KCNAB1: variants seen among roughly 807,000 people sequenced by gnomAD.
The protein encoded by KCNAB1 is potassium voltage-gated channel subfamily A regulatory beta subunit 1.
Under a neutral mutation model 64.6 loss-of-function variants are expected in KCNAB1, and 35 were observed. The observed-to-expected ratio is 0.54, with a 90% CI of 0.41 to 0.72. The LOEUF (loss-of-function observed/expected upper bound fraction) is 0.72. Among genes scored for constraint, KCNAB1 ranks in the 30% least tolerant of loss-of-function variants. The probability of loss-of-function intolerance (pLI) is 0.00; values close to 1 mark genes in which losing one functional copy is unlikely to be tolerated. For synonymous variants in KCNAB1, 177 were observed against 183.8 expected (o/e 0.96, Z 0.30); for missense variants, 401 against 512.9 (o/e 0.78, Z 2.11).
chr3:156,143,439 T>A (rs1309640704), intron 1 of KCNAB1: 1 of 1,522,150 alleles, frequency 6.6e-7, no homozygotes. Context: ...GATTGCAAAG[T>A]CATCCAACCA....
chr3:156,478,776 C>T (rs1714569197), intron 8 of KCNAB1, among the ~76,000 whole-genome samples: 1 of 152,106 alleles, frequency 6.6e-6, no homozygotes, highest in Non-Finnish European at 1.5e-5. Context: ...CCATTTGAGC[C>T]AGAAAAAGAT....
chr3:156,134,306 G>A (rs1714175018), intron 1 of KCNAB1, among the ~76,000 whole-genome samples: 1 of 152,002 alleles, frequency 6.6e-6, no homozygotes, highest in African/African-American at 2.4e-5. Flanking sequence ...TATTTTTTCT[G>A]TATCCTCACC....
intron 8 of KCNAB1, among the ~76,000 whole-genome samples, chr3:156,492,472 T>C (rs943949853): frequency 2.0e-5 from 3 of 152,064 alleles, no homozygotes; most frequent in African/African-American, 7.2e-5. Context: ...AACTGCCATA[T>C]GGAGACACCA....
At chr3:156,291,761 G>T in intron 1 of KCNAB1, 1 of 1,469,652 alleles carries the variant, frequency 6.8e-7, no homozygotes. Context: ...TCGAAAGTCA[G>T]CCGCCAGGAC....
intron 1 of KCNAB1, among the ~76,000 whole-genome samples, chr3:156,197,432 G>A (rs1397449313): frequency 3.3e-5 from 5 of 152,100 alleles, no homozygotes; most frequent in Non-Finnish European, 7.4e-5. Context: ...GAATCCATCT[G>A]GTCCTGGGCT....
chr3:156,320,196 A>G (rs1428145913), intron 1 of KCNAB1, among the ~76,000 whole-genome samples: 4 of 152,246 alleles, frequency 2.6e-5, no homozygotes, highest in Non-Finnish European at 5.9e-5. Flanking sequence ...TGATTTGTCA[A>G]TAATTGAGTT....
chr3:156,354,352 G>A (rs9830004), intron 1 of KCNAB1, among the ~76,000 whole-genome samples: 15,231 of 150,788 alleles, frequency 0.1, 2,563 homozygotes, highest in African/African-American at 0.35. Context: ...AGTAGGATGG[G>A]GTTTCTCCAC....
chr3:156,459,193 G>A (rs1054808953), intron 4 of KCNAB1, among the ~76,000 whole-genome samples: 1 of 152,182 alleles, frequency 6.6e-6, no homozygotes, highest in African/African-American at 2.4e-5. Context: ...TTGGGTCCCA[G>A]CCTGGGTAGG....
At position 156,452,254 on chromosome 3, in the gene KCNAB1, C is replaced by T. The variant is rs983635951; in HGVS notation, c.320-645C>T. On this transcript the variant is annotated intron_variant, in intron 2 of 13. Transcript: ENST00000490337. This position sits in a 1 kb window ranked among gnomAD's most constrained non-coding sequence, Gnocchi z 4.6. ...CCCTTCTACTTTACAAAGTTTCAAA[C>T]GTCTTTGGCTGCTGAGTGTGCATCT... 1.3e-5 allele frequency among the ~76,000 whole-genome samples: 2 copies of T among 152,188 alleles called. No homozygotes were observed. The highest frequency in any genetic ancestry group is 4.8e-5 in the African/African-American group (2 of 41,452).
At chr3:156,389,605 G>A (rs1003617877) in intron 1 of KCNAB1, among the ~76,000 whole-genome samples, 2 of 152,160 alleles carry the variant, frequency 1.3e-5, no homozygotes, top group Non-Finnish European at 2.9e-5. Flanking sequence ...ACCTCCGCCC[G>A]GATCTACTGA....
chr3:156,365,562 T>A (rs1365278315), intron 1 of KCNAB1, among the ~76,000 whole-genome samples: 1 of 152,222 alleles, frequency 6.6e-6, no homozygotes, highest in East Asian at 1.9e-4. Flanking sequence ...GTTGTAATCA[T>A]GGTGATTGCA....
intron 7 of KCNAB1, among the ~76,000 whole-genome samples, chr3:156,469,230 C>CTCTT (rs201962265): frequency 1.9e-4 from 25 of 132,498 alleles, no homozygotes; most frequent in African/African-American, 4.8e-4. Flanking sequence ...TCAGGGTTCT[C>CTCTT]TCTTTCTTTC....
At chr3:156,221,777 C>G (rs1391613733) in intron 1 of KCNAB1, among the ~76,000 whole-genome samples, 1 of 146,122 alleles carries the variant, frequency 6.8e-6, no homozygotes, top group Non-Finnish European at 1.5e-5. Context: ...AAACTCCATC[C>G]CCCCCCGCCA....
chr3:156,261,988 C>CA (rs1718460329), intron 1 of KCNAB1, among the ~76,000 whole-genome samples: 1 of 151,764 alleles, frequency 6.6e-6, no homozygotes, highest in African/African-American at 2.4e-5. Flanking sequence ...GTTTTTATGA[C>CA]AAAAATCTTT....
intron 1 of KCNAB1, among the ~76,000 whole-genome samples, chr3:156,409,451 G>C (rs1368187730): frequency 6.6e-6 from 1 of 152,108 alleles, no homozygotes; most frequent in Non-Finnish European, 1.5e-5. Flanking sequence ...CCCAAGGAGG[G>C]GTAGCTTTGA....
intron 7 of KCNAB1, among the ~76,000 whole-genome samples, chr3:156,471,135 AC>A (rs1342419424): frequency 6.6e-6 from 1 of 152,204 alleles, no homozygotes; most frequent in Non-Finnish European, 1.5e-5. Context: ...CTTAAATAGA[AC>A]CCTTGCAGAA....
At chr3:156,518,939 C>T (rs989256151) in intron 11 of KCNAB1, among the ~76,000 whole-genome samples, 2 of 152,214 alleles carry the variant, frequency 1.3e-5, no homozygotes, top group Admixed American at 6.5e-5. Context: ...TTCCTTCTTG[C>T]TTAACAGTGC....
At chr3:156,172,280 G>A (rs1712048330) in intron 1 of KCNAB1, among the ~76,000 whole-genome samples, 1 of 119,268 alleles carries the variant, frequency 8.4e-6, no homozygotes, top group Admixed American at 1.1e-4. Flanking sequence ...TAATTCAAAT[G>A]GCTTTTTTTT....
chr3:156,228,896 C>T (rs1006908366), intron 1 of KCNAB1, among the ~76,000 whole-genome samples: 5 of 152,150 alleles, frequency 3.3e-5, no homozygotes, highest in African/African-American at 1.2e-4. Flanking sequence ...TGGGCAAGCC[C>T]GCCTCTGAGT....
Sources: allele counts gnomAD v4.1 joint callset (sites outside exome capture counted in the v4.1 genomes callset), GRCh38; gene constraint gnomAD v4.1.1; non-coding constraint Gnocchi (gnomAD v3.1); transcripts MANE v1.5; gene names NCBI Gene and HGNC (gene_info 2026-07-23, HGNC 2026-07-21).